SGCZ: variants seen among roughly 807,000 people sequenced by gnomAD.
SGCZ encodes sarcoglycan zeta, also known as zeta-sarcoglycan.
A neutral mutation model predicts 41.3 loss-of-function variants in SGCZ; 40 were observed. That is an observed-to-expected ratio of 0.97 (90% CI 0.75 to 1.26). The LOEUF is 1.26. SGCZ is among the 50% of genes most tolerant of loss of function. The pLI, the probability that SGCZ is intolerant of heterozygous loss-of-function variation, is 0.00. For synonymous variants in SGCZ, 206 were observed against 137.5 expected (o/e 1.50, Z -3.49); for missense variants, 552 against 369.8 (o/e 1.49, Z -4.04).
chr8:15,140,707 T>C (rs1282818439), intron 1 of SGCZ, among the ~76,000 whole-genome samples: 1 of 152,226 alleles, frequency 6.6e-6, no homozygotes, highest in African/African-American at 2.4e-5. Context: ...TTTGTCTCTA[T>C]AGGCGATTCA....
intron 1 of SGCZ, among the ~76,000 whole-genome samples, chr8:15,021,759 T>C (rs1803256628): frequency 6.6e-6 from 1 of 152,252 alleles, no homozygotes; most frequent in Non-Finnish European, 1.5e-5. Flanking sequence ...GCCTATTCTT[T>C]CTAGCCAAAT....
intron 4 of SGCZ, among the ~76,000 whole-genome samples, chr8:14,170,255 G>T (rs957840865): frequency 6.6e-6 from 1 of 152,022 alleles, no homozygotes; most frequent in Non-Finnish European, 1.5e-5. Context: ...AGCATTTCCT[G>T]AAGTAATGCT....
intron 5 of SGCZ, among the ~76,000 whole-genome samples, chr8:14,144,240 T>C (rs1335925484): frequency 6.6e-6 from 1 of 152,208 alleles, no homozygotes; most frequent in Non-Finnish European, 1.5e-5. Context: ...ATCCTTCCAC[T>C]TAAAGAGAGG....
intron 1 of SGCZ, among the ~76,000 whole-genome samples, chr8:14,716,516 T>A (rs951361713): frequency 6.6e-6 from 1 of 152,112 alleles, no homozygotes; most frequent in East Asian, 1.9e-4. Flanking sequence ...ACTGGAATCA[T>A]AATTTGAATA....
At chr8:14,595,116 A>C (rs926370514) in intron 1 of SGCZ, among the ~76,000 whole-genome samples, 9 of 152,144 alleles carry the variant, frequency 5.9e-5, no homozygotes, top group Admixed American at 5.2e-4. Context: ...TATTAACATC[A>C]ATAATGATGA....
chr8:15,225,632 C>A (rs1277875232), intron 1 of SGCZ, among the ~76,000 whole-genome samples: 1 of 151,988 alleles, frequency 6.6e-6, no homozygotes, highest in African/African-American at 2.4e-5. Flanking sequence ...ATAACGTAAG[C>A]AATGGGAAAT....
At chr8:15,038,814 C>CAAAAAAAAAAAAAA (rs58922339) in intron 1 of SGCZ, among the ~76,000 whole-genome samples, 3 of 93,066 alleles carry the variant, frequency 3.2e-5, no homozygotes, top group African/African-American at 4.0e-5. Context: ...TGACATTTCT[C>CAAAAAAAAAAAAAA]AAAAAAAAAA....
At chr8:14,721,969 TA>T (rs930379794) in intron 1 of SGCZ, among the ~76,000 whole-genome samples, 2 of 152,184 alleles carry the variant, frequency 1.3e-5, no homozygotes, top group African/African-American at 4.8e-5. Context: ...CCCTTCTGCC[TA>T]AATACCCTCT....
chr8:14,332,904 T>A (rs185093242), intron 2 of SGCZ, among the ~76,000 whole-genome samples: 128 of 148,170 alleles, frequency 8.6e-4, no homozygotes, highest in Non-Finnish European at 5.1e-4. Context: ...TGTCTATATA[T>A]CTATACACAC....
chr8:14,450,472 G>A (rs1800560021), intron 2 of SGCZ, among the ~76,000 whole-genome samples: 1 of 152,170 alleles, frequency 6.6e-6, no homozygotes, highest in African/African-American at 2.4e-5. Flanking sequence ...AAGAGAAAAT[G>A]TCTGTGTTGA....
intron 1 of SGCZ, among the ~76,000 whole-genome samples, chr8:14,683,777 A>G (rs150011473): frequency 2.0e-5 from 3 of 152,140 alleles, no homozygotes; most frequent in Admixed American, 6.5e-5. Flanking sequence ...ATTCTTGTAC[A>G]GAACCATAGC....
intron 1 of SGCZ, among the ~76,000 whole-genome samples, chr8:15,005,349 G>C (rs1268128860): frequency 5.2e-5 from 3 of 57,450 alleles, no homozygotes; most frequent in Non-Finnish European, 1.1e-4. Context: ...TTTTTTTTTT[G>C]ACATGGAGTT....
intron 3 of SGCZ, among the ~76,000 whole-genome samples, chr8:14,312,282 T>G (rs1255034718): frequency 6.6e-6 from 1 of 152,196 alleles, no homozygotes; most frequent in Non-Finnish European, 1.5e-5. Flanking sequence ...GTTTAAGTAC[T>G]GCTAATATAT....
chr8:15,184,760 C>T (rs1800285900), intron 1 of SGCZ, among the ~76,000 whole-genome samples: 1 of 152,294 alleles, frequency 6.6e-6, no homozygotes, highest in South Asian at 2.1e-4. Flanking sequence ...AAGTGTCAGG[C>T]TTTGGTAATA....
chr8:14,934,430 A>C (rs138320875), intron 1 of SGCZ, among the ~76,000 whole-genome samples: 1 of 151,952 alleles, frequency 6.6e-6, no homozygotes, highest in Non-Finnish European at 1.5e-5. Flanking sequence ...ACCAAAGGGA[A>C]CTTCTAGTAA....
At chr8:15,030,781 G>A (rs913578443) in intron 1 of SGCZ, among the ~76,000 whole-genome samples, 1 of 152,098 alleles carries the variant, frequency 6.6e-6, no homozygotes, top group Non-Finnish European at 1.5e-5. Context: ...CACAAAACCA[G>A]ACGAAGGGAT....
intron 3 of SGCZ, among the ~76,000 whole-genome samples, chr8:14,285,407 T>C (rs1800588052): frequency 6.6e-6 from 1 of 152,126 alleles, no homozygotes; most frequent in Admixed American, 6.5e-5. Flanking sequence ...TTTGATACGC[T>C]CAGCATAACT....
chr8:14,154,517 C>T (rs984711417), intron 5 of SGCZ, among the ~76,000 whole-genome samples: 3 of 152,050 alleles, frequency 2.0e-5, no homozygotes, highest in Non-Finnish European at 2.9e-5. Flanking sequence ...ACATGTTACC[C>T]GTGGTTTATT....
rs530080190 is a variant in SGCZ, at chr8:14,251,929, C to T, written c.337-14250G>A. Among the ~76,000 whole-genome samples the T allele has an allele frequency of 1.8e-4, 28 of 152,108 alleles. No homozygotes were observed. The South Asian group carries it at 4.4e-3, about 24-fold the overall frequency. On this transcript the variant is annotated intron_variant, in intron 3 of 7. Coordinates refer to ENST00000382080, the MANE Select transcript of SGCZ (RefSeq NM_139167.4). The stretch of plus-strand genomic sequence containing the variant: ...TTTGCAATGTTGGCCAGGATGGTCT[C>T]GAACTCCTGACCTTAGGTCATCCTC...
Sources: gnomAD v4.1 joint callset for allele counts (sites outside exome capture counted in the v4.1 genomes callset) on GRCh38, gnomAD v4.1.1 for gene constraint, MANE v1.5 for transcripts, NCBI Gene and HGNC (gene_info 2026-07-23, HGNC 2026-07-21) for gene names.